The following SUSD1 variants were observed in gnomAD, a reference collection of about 807,000 sequenced individuals.
SUSD1 encodes sushi domain-containing protein 1.
SUSD1 carries 65 observed loss-of-function variants against 86.9 expected under a neutral mutation model. The ratio of observed to expected loss-of-function variants is 0.75; its 90% CI spans 0.61 to 0.92. SUSD1 has a LOEUF of 0.92. Ranked by LOEUF, SUSD1 falls within the 40% of genes least tolerant of loss-of-function variation. SUSD1 has a pLI of 0.00. For missense variants in SUSD1, 850 were observed against 929.7 expected, an observed-to-expected ratio of 0.91 and a Z score of 1.11; for synonymous variants, 346 against 350.0, an observed-to-expected ratio of 0.99 and a Z score of 0.13.
intron 11 of SUSD1, among the ~76,000 whole-genome samples, chr9:112,079,080 G>C (rs1025785262): frequency 2.0e-5 from 3 of 151,944 alleles, no homozygotes; most frequent in African/African-American, 7.3e-5. Flanking sequence ...CCAAAGTGCT[G>C]AGATCACAGG....
At chr9:112,099,015 TTCTCTCTCTC>T (rs58040511) in intron 9 of SUSD1, among the ~76,000 whole-genome samples, 48,996 of 145,780 alleles carry the variant, frequency 0.34, 8,396 homozygotes, top group South Asian at 0.48. Flanking sequence ...GAATACTTCG[TTCTCTCTCTC>T]TCTCTCTCTC....
intron 12 of SUSD1, among the ~76,000 whole-genome samples, chr9:112,072,907 C>T (rs539746884): frequency 1.6e-4 from 24 of 152,356 alleles, no homozygotes; most frequent in African/African-American, 4.6e-4. Context: ...CCCTTGGAGC[C>T]AGGGGGGCCC....
At chr9:112,098,952 G>A (rs1471351699) in intron 9 of SUSD1, among the ~76,000 whole-genome samples, 1 of 152,114 alleles carries the variant, frequency 6.6e-6, no homozygotes, top group Non-Finnish European at 1.5e-5. Context: ...GCAAGTGAAA[G>A]AGATTACATT....
chr9:112,060,174 C>A (rs574951066), intron 13 of SUSD1, among the ~76,000 whole-genome samples: 1 of 152,288 alleles, frequency 6.6e-6, no homozygotes, highest in South Asian at 2.1e-4. Flanking sequence ...AGAGGGAGCC[C>A]TCCTCCACAG....
At chr9:112,102,103 A>T (rs558448280) in intron 9 of SUSD1, 73 bp downstream of exon 9, 15 of 728,480 alleles carry the variant, frequency 2.1e-5, no homozygotes, top group African/African-American at 1.6e-4. Context: ...AATACTTTGG[A>T]TACTTACTTG....
intron 8 of SUSD1, chr9:112,104,892 T>C (rs1830773560): frequency 6.6e-6 from 1 of 151,904 alleles, no homozygotes; most frequent in Admixed American, 6.6e-5. Flanking sequence ...GAAAGGAAAA[T>C]TGTGCTCGGC....
At chr9:112,074,202 C>T (rs900758807) in intron 12 of SUSD1, among the ~76,000 whole-genome samples, 1 of 151,962 alleles carries the variant, frequency 6.6e-6, no homozygotes, top group African/African-American at 2.4e-5. Context: ...GGTGACAGAG[C>T]GAAATTCTGT....
At chr9:112,141,176 G>A (rs1832545436) in intron 5 of SUSD1, among the ~76,000 whole-genome samples, 2 of 152,270 alleles carry the variant, frequency 1.3e-5, no homozygotes, top group South Asian at 4.1e-4. Flanking sequence ...TGCTGGCAGA[G>A]CAGTAAGTTT....
chr9:112,077,852 T>C (rs1829587149), intron 12 of SUSD1, among the ~76,000 whole-genome samples: 1 of 152,090 alleles, frequency 6.6e-6, no homozygotes, highest in Non-Finnish European at 1.5e-5. Flanking sequence ...TAAATATTCC[T>C]GAGAAAGAAA....
At chr9:112,093,737 G>C (rs1466880802) in intron 10 of SUSD1, among the ~76,000 whole-genome samples, 3 of 152,178 alleles carry the variant, frequency 2.0e-5, no homozygotes, top group Non-Finnish European at 2.9e-5. Context: ...CTGGGGCCTT[G>C]AGTATAAAGA....
At chr9:112,103,130 T>C in intron 8 of SUSD1, 2 of 460,636 alleles carry the variant, frequency 4.3e-6, no homozygotes, top group Non-Finnish European at 8.9e-6. Context: ...TATAACTACC[T>C]TTTATATGTG....
chr9:112,064,325 G>A (rs1828876292), intron 12 of SUSD1, among the ~76,000 whole-genome samples: 1 of 152,198 alleles, frequency 6.6e-6, no homozygotes, highest in African/African-American at 2.4e-5. Flanking sequence ...TCTCATAAGA[G>A]CATGAACCCT....
chr9:112,113,868 G>A lies in SUSD1; in HGVS notation c.887-1000C>T, dbSNP rs1831203276. On this transcript the variant is annotated intron_variant, in intron 6 of 16. Coordinates refer to ENST00000374270, the MANE Select transcript of SUSD1 (RefSeq NM_022486.5). This position sits in a 1 kb window ranked among gnomAD's most constrained non-coding sequence, Gnocchi z 4.1. ...AATCACTTGAACCTGGGAGGCAGAG[G>A]TTGCAGTGAGCTGAGATTGCACCAC... Among the ~76,000 whole-genome samples, 2 of 152,112 alleles carry A rather than the reference G, an allele frequency of 1.3e-5. No homozygotes were observed. The highest frequency in any genetic ancestry group is 1.3e-4 in the Admixed American group (2 of 15,264).
intron 1 of SUSD1, among the ~76,000 whole-genome samples, chr9:112,165,436 G>T (rs529522784): frequency 7.0e-4 from 87 of 124,730 alleles, no homozygotes; most frequent in African/African-American, 2.8e-3. Context: ...TTGAGACAAG[G>T]TCTCGCTCTG....
At chr9:112,169,508 C>T (rs1276449118) in intron 1 of SUSD1, 1 of 152,168 alleles carries the variant, frequency 6.6e-6, no homozygotes, top group Non-Finnish European at 1.5e-5. Context: ...CAAGATCAAC[C>T]AGCAGTGGGG....
At chr9:112,149,436 A>G in intron 2 of SUSD1, 37 bp from the exon 3 acceptor site, 1 of 1,605,936 alleles carries the variant, frequency 6.2e-7, no homozygotes, top group Non-Finnish European at 8.5e-7. Flanking sequence ...AAGAGCTATC[A>G]ATCCACACCG....
chr9:112,112,563 G>A (rs1327591730), intron 7 of SUSD1, among the ~76,000 whole-genome samples: 1 of 152,072 alleles, frequency 6.6e-6, no homozygotes, highest in Non-Finnish European at 1.5e-5. Flanking sequence ...TTGAACCCGG[G>A]AGGCTGAGGT....
intron 13 of SUSD1, among the ~76,000 whole-genome samples, chr9:112,059,320 T>G (rs1211034678): frequency 6.6e-6 from 1 of 152,210 alleles, no homozygotes; most frequent in Admixed American, 6.5e-5. Flanking sequence ...ATCACTGCCC[T>G]GTGTGTGTGT....
At chr9:112,111,489 C>G (rs1831094328) in intron 8 of SUSD1, among the ~76,000 whole-genome samples, 165 bp downstream of exon 8, 1 of 152,170 alleles carries the variant, frequency 6.6e-6, no homozygotes, top group African/African-American at 2.4e-5. Context: ...CAAGAGGATA[C>G]GGATCTCTTG....
Sources: gnomAD v4.1 joint callset for allele counts (sites outside exome capture counted in the v4.1 genomes callset) on GRCh38, gnomAD v4.1.1 for gene constraint, Gnocchi (gnomAD v3.1) non-coding constraint, MANE v1.5 for transcripts, NCBI Gene and HGNC (gene_info 2026-07-23, HGNC 2026-07-21) for gene names.